NUAK2: variants seen among roughly 807,000 people sequenced by gnomAD.
NUAK2 encodes the protein NUAK family SNF1-like kinase 2.
NUAK2 carries 20 observed loss-of-function variants against 29.8 expected under a neutral mutation model. That is an observed-to-expected ratio of 0.67 (90% CI 0.47 to 0.98). The LOEUF (loss-of-function observed/expected upper bound fraction) is 0.98. Ranked by LOEUF, NUAK2 falls within the 50% of genes least tolerant of loss-of-function variation. NUAK2 has a pLI of 0.00. For synonymous variants in NUAK2, 331 were observed against 342.6 expected, an observed-to-expected ratio of 0.97 and a Z score of 0.37; for missense variants, 719 against 834.5, an observed-to-expected ratio of 0.86 and a Z score of 1.71.
Position 205,305,324 on chromosome 1 carries a change from C to A in NUAK2, c.698G>T (p.Ser233Ile), listed in dbSNP as rs1265965272. Residue 233 changes from serine (S) to isoleucine (I), a missense_variant, in exon 6 of 7, where the codon AGC (serine) becomes ATC (isoleucine). By Grantham distance (142) the Ser-to-Ile change is moderately radical. Around this residue, in one of 3 missense-constraint regions of NUAK2, gnomAD observed 283 missense variants for 345.6 expected, o/e 0.82. Coordinates refer to ENST00000367157, the MANE Select transcript of NUAK2 (RefSeq NM_030952.3). Reference protein sequence around the residue: ...GKPYTGPEVDSWSLGVLLYIL... With the variant: ...GKPYTGPEVDIWSLGVLLYIL... ...GTAGAGGAGAACACCCAGGGACCAGCTGTCCACCTGAGAGAGATGGGGGAG... is the reference window on the plus strand; with the variant it reads ...GTAGAGGAGAACACCCAGGGACCAGATGTCCACCTGAGAGAGATGGGGGAG... 3 of 1,613,498 alleles carry A rather than the reference C, an allele frequency of 1.9e-6. No individual in the cohort carries two copies. Among genetic ancestry groups the A allele is most frequent in the Non-Finnish European group, 2.5e-6 (3 of 1,179,800 alleles).
intron 1 of NUAK2, among the ~76,000 whole-genome samples, chr1:205,314,011 G>A (rs1662290728): frequency 6.6e-6 from 1 of 152,236 alleles, no homozygotes. Context: ...CCCTGCTCGA[G>A]GGGAGGAGCC....
rs200708216 is a variant in NUAK2 at position 205,308,676 on chromosome 1, G to A, written c.409C>T (p.Leu137Phe). ...IVMEYASRGD[L>F]YDYISERQQL... The stretch of plus-strand genomic sequence containing the variant: ...TGCCGCTCGCTGATGTAGTCATAAA[G>A]GTCGCCCCGGCTGGCATACTCCATG... Residue 137 changes from leucine to phenylalanine, a missense_variant, in exon 3 of 7, where the codon CTT becomes TTT. This residue lies in a region of NUAK2 where 283 missense variants were observed against 345.6 expected (regional missense o/e 0.82). Transcript: ENST00000367157. The surrounding 1 kb of genome is among the most constrained non-coding windows in gnomAD (Gnocchi z 4.1). 1.2e-6 allele frequency: 2 copies of A among 1,614,118 alleles called. No homozygotes were observed. The highest frequency in any genetic ancestry group is 1.3e-5 in the African/African-American group (1 of 75,012).
intron 1 of NUAK2, among the ~76,000 whole-genome samples, chr1:205,314,743 T>C (rs562818834): frequency 3.6e-4 from 55 of 152,196 alleles, no homozygotes; most frequent in Non-Finnish European, 6.8e-4. Context: ...ATGAATCCCA[T>C]ATCTAGATAA....
rs758950807 is a variant in NUAK2 at position 205,303,705 on chromosome 1, G to A, written c.1632C>T (p.Ser544=). The stretch of plus-strand genomic sequence containing the variant: ...ACTCAGAGGACAGGATGCTGTCCTC[G>A]CTCACAGCCCCTGAGGGTCGGCTGG... ...ARASRPSGAV[S]EDSILSSESF... Residue 544 remains serine (S), a synonymous_variant, in exon 7 of 7, where the codon AGC becomes AGT. Transcript: ENST00000367157. The A allele has an allele frequency of 2.9e-5, 45 of 1,539,748 alleles. No individual in the cohort carries two copies. Among genetic ancestry groups the A allele is most frequent in the Middle Eastern group, 1.8e-4 (1 of 5,682 alleles).
At chr1:205,318,568 A>C (rs1662361076) in intron 1 of NUAK2, among the ~76,000 whole-genome samples, 1 of 152,232 alleles carries the variant, frequency 6.6e-6, no homozygotes, top group South Asian at 2.1e-4. Context: ...AAAAAGACAG[A>C]AGCACTCTTG....
At chr1:205,306,333 A>T (rs774548410) in intron 4 of NUAK2, 26 bp from the exon 5 acceptor site, 1 of 1,600,934 alleles carries the variant, frequency 6.2e-7, no homozygotes, top group Non-Finnish European at 8.5e-7. Flanking sequence ...AAACACGGGC[A>T]CAGGTCATGT....
rs769695007 is a variant in NUAK2 at position 205,303,629 on chromosome 1, C to A, written c.1708G>T (p.Gly570Cys). The change falls in exon 7 of 7, where the codon GGC becomes TGC. Residue 570 changes from glycine (G) to cysteine (C), a missense_variant. Transcript: ENST00000367157. ...GTGAGGTTGTCCACAGACACACAGC[C>A]CCGCAGTGGGGGCTCTGGGAGCCGT... ...PERLPEPPLR[G>C]CVSVDNLTGL... The A allele has an allele frequency of 2.6e-5, 42 of 1,598,508 alleles. No individual in the cohort carries two copies. The highest frequency in any genetic ancestry group is 3.6e-5 in the Non-Finnish European group (42 of 1,173,176).
At chr1:205,305,420 G>T in intron 5 of NUAK2, 89 bp from the exon 6 acceptor site, 1 of 1,508,442 alleles carries the variant, frequency 6.6e-7, no homozygotes. Flanking sequence ...GCACACCTGA[G>T]GACGACCCAC....
rs745966710 is a variant in NUAK2, at chr1:205,306,322, C to A, written c.571-15G>T. 2 of 1,606,252 alleles carry A rather than the reference C, an allele frequency of 1.2e-6. No individual in the cohort carries two copies. Among genetic ancestry groups the A allele is most frequent in the South Asian group, 1.1e-5 (1 of 89,876 alleles). ...AAGTCAGCAATCTGCAGGATTGAGT[C>A]AAACACGGGCACAGGTCATGTCAAG... On this transcript the variant is annotated splice_polypyrimidine_tract_variant and intron_variant, in intron 4 of 6. Coordinates refer to ENST00000367157, the MANE Select transcript of NUAK2 (RefSeq NM_030952.3).
At chr1:205,314,358 A>G (rs1259256048) in intron 1 of NUAK2, among the ~76,000 whole-genome samples, 1 of 152,226 alleles carries the variant, frequency 6.6e-6, no homozygotes, top group Non-Finnish European at 1.5e-5. Context: ...CCCATGCTGC[A>G]GCTGCAGGGG....
rs769978822 is a variant in NUAK2, at chr1:205,306,180, C to T, written c.690+8G>A. ...GAGGCAGGCTGGCAGGGGAGGGTGG[C>T]CACTTACCTCTGGGCCTGTGTAGGG... On this transcript the variant is annotated splice_region_variant and intron_variant, in intron 5 of 6. Transcript: ENST00000367157. 1 of 1,596,982 alleles carries T rather than the reference C, an allele frequency of 6.3e-7. No individual in the cohort carries two copies. The highest frequency in any genetic ancestry group is 1.8e-5 in the Admixed American group (1 of 55,778).
In NUAK2 at chr1:205,308,826, C is replaced by G; in HGVS notation, c.353-94G>C. ...CTCCTCCCCGACCCCAGGCCCCAAA[C>G]CAGACAGGACCCCCCTCCAGGAATA... On this transcript the variant is annotated intron_variant, in intron 2 of 6. Coordinates refer to ENST00000367157, the MANE Select transcript of NUAK2 (RefSeq NM_030952.3). This position sits in a 1 kb window ranked among gnomAD's most constrained non-coding sequence, Gnocchi z 4.1. 3 of 1,386,582 alleles carry G rather than the reference C, an allele frequency of 2.2e-6. No homozygotes were observed. Among genetic ancestry groups the G allele is most frequent in the Non-Finnish European group, 3.0e-6 (3 of 1,000,094 alleles). The allele number at this position is 1,386,582 out of a possible 1,614,324, so 85.9% of individuals were successfully genotyped here. A position where few individuals can be genotyped will look rare whatever the true frequency, so the allele number is the denominator to read the frequency against.
rs1335367086 is a variant in NUAK2, at chr1:205,302,244, A to AT, written c.*1205_*1206insA. ...CTTAGATGTCATAGTGGATTTTCCCAGAACATAGCATTCACATTATTGAAA... is the reference window on the plus strand; with the variant it reads ...CTTAGATGTCATAGTGGATTTTCCCATGAACATAGCATTCACATTATTGAAA... On this transcript the variant is annotated 3_prime_UTR_variant, in exon 7 of 7. Coordinates refer to ENST00000367157, the MANE Select transcript of NUAK2 (RefSeq NM_030952.3). The AT allele has an allele frequency of 6.5e-6, 1 of 152,682 alleles. No homozygotes were observed. The allele number at this position is 152,682 out of a possible 1,614,324, so 9.5% of individuals were successfully genotyped here.
At chr1:205,309,551 C>G (rs1418044709) in intron 2 of NUAK2, among the ~76,000 whole-genome samples, 1 of 152,198 alleles carries the variant, frequency 6.6e-6, no homozygotes, top group Non-Finnish European at 1.5e-5. Context: ...TGGTCTTGAA[C>G]TCCTGACCAT....
In NUAK2 at chr1:205,321,497, G is replaced by A. The variant is rs1159560312; in HGVS notation, c.132C>T (p.His44=). The change falls in exon 1 of 7, where the codon CAC becomes CAT. Residue 44 remains histidine, a synonymous_variant. Transcript: ENST00000367157. ...AGCGGTGCCGCAGGTTGTGCTTGTG[G>A]TGGTGCCGCTTCACCGCCTGCTTCT... ...LMKKQAVKRH[H]HKHNLRHRYE... 1.2e-6 allele frequency: 2 copies of A among 1,614,046 alleles called. No individual in the cohort carries two copies. Among genetic ancestry groups the A allele is most frequent in the Admixed American group, 3.3e-5 (2 of 60,030 alleles).
At position 205,304,137 on chromosome 1, in the gene NUAK2, G is replaced by C; in HGVS notation, c.1200C>G (p.Gly400=). Reference sequence around the variant, plus strand: ...CCTTTGGCAGCTTGAGGTTGCTCTTGCCAGGGCGATGGGCAGTGTCATCAG... The same window carrying C: ...CCTTTGGCAGCTTGAGGTTGCTCTTCCCAGGGCGATGGGCAGTGTCATCAG... ...DTADDTAHRP[G]KSNLKLPKGI... Residue 400 remains glycine (G), a synonymous_variant, in exon 7 of 7, where the codon GGC becomes GGG. Transcript: ENST00000367157. This position sits in a 1 kb window ranked among gnomAD's most constrained non-coding sequence, Gnocchi z 6.5. 6.2e-7 allele frequency: 1 copy of C among 1,614,178 alleles called. No individual in the cohort carries two copies. The highest frequency in any genetic ancestry group is 8.5e-7 in the Non-Finnish European group (1 of 1,180,024).
chr1:205,305,450 A>G (rs1344158014), intron 5 of NUAK2, 119 bp from the exon 6 acceptor site: 7 of 1,450,186 alleles, frequency 4.8e-6, no homozygotes, highest in Non-Finnish European at 5.4e-6. Flanking sequence ...CCAGGGGCCA[A>G]GACGGGGATG....
intron 1 of NUAK2, among the ~76,000 whole-genome samples, chr1:205,313,384 A>C (rs2102256023): frequency 6.6e-6 from 1 of 152,260 alleles, no homozygotes; most frequent in Non-Finnish European, 1.5e-5. Context: ...AAAACACCAC[A>C]TGAGGACGAA....
chr1:205,321,705 C>A lies in NUAK2; in HGVS notation c.-77G>T. On this transcript the variant is annotated 5_prime_UTR_variant, in exon 1 of 7. Coordinates refer to ENST00000367157, the MANE Select transcript of NUAK2 (RefSeq NM_030952.3). ...GAGGGCTGAAGCGCGGGGCACAGGT[C>A]CCGCACCAGGACGGGGAGCCACAGC... is the stretch of plus-strand genomic sequence containing the variant. The A allele has an allele frequency of 8.3e-7, 1 of 1,209,170 alleles. No individual in the cohort carries two copies. Among genetic ancestry groups the A allele is most frequent in the Non-Finnish European group, 1.2e-6 (1 of 856,716 alleles). The allele number at this position is 1,209,170 out of a possible 1,614,324, so 74.9% of individuals were successfully genotyped here. A position where few individuals can be genotyped will look rare whatever the true frequency, so the allele number is the denominator to read the frequency against.
Sources: allele counts gnomAD v4.1 joint callset (sites outside exome capture counted in the v4.1 genomes callset), GRCh38; gene constraint gnomAD v4.1.1; regional missense constraint gnomAD v4.1.1; non-coding constraint Gnocchi (gnomAD v3.1); transcripts MANE v1.5; gene names NCBI Gene and HGNC (gene_info 2026-07-23, HGNC 2026-07-21).